HERC5: variants seen among roughly 807,000 people sequenced by gnomAD.
HERC5 encodes E3 ISG15--protein ligase HERC5.
Under a neutral mutation model 119.6 loss-of-function variants are expected in HERC5, and 99 were observed. The ratio of observed to expected loss-of-function variants is 0.83; its 90% CI spans 0.70 to 0.98. HERC5 has a LOEUF of 0.98. HERC5 is among the 50% of genes least tolerant of loss of function. HERC5 has a pLI of 0.00. For synonymous variants in HERC5, 478 were observed against 445.9 expected (o/e 1.07, Z -0.91); for missense variants, 1,267 against 1,241.3 (o/e 1.02, Z -0.31).
At position 88,470,535 on chromosome 4, in the gene HERC5, G is replaced by A. The variant is rs1578046475; in HGVS notation, c.1239-79G>A. On this transcript the variant is annotated intron_variant, in intron 9 of 22. Coordinates refer to ENST00000264350, the MANE Select transcript of HERC5 (RefSeq NM_016323.4). ...AGTTATAAGATGTGGTATTTATCATGTCTCATGCTGTAAAGAAAGAGGCTG... is the reference window on the plus strand; with the variant it reads ...AGTTATAAGATGTGGTATTTATCATATCTCATGCTGTAAAGAAAGAGGCTG... 9.4e-6 allele frequency: 7 copies of A among 741,480 alleles called. No homozygotes were observed. In the East Asian group the frequency reaches 1.9e-4, roughly 20 times the overall value. The allele number at this position is 741,480 out of a possible 1,614,324, so 45.9% of individuals were successfully genotyped here. A position where few individuals can be genotyped will look rare whatever the true frequency, so the allele number is the denominator to read the frequency against.
At position 88,467,099 on chromosome 4, in the gene HERC5, T is replaced by G. The variant is rs1740696491; in HGVS notation, c.952T>G (p.Phe318Val). Residue 318 changes from phenylalanine (F) to valine (V), a missense_variant, in exon 7 of 23, where the codon TTT (phenylalanine) becomes GTT (valine). By Grantham distance (50) the Phe-to-Val change is conservative (BLOSUM62 -1). Transcript: ENST00000264350. ...LAYVSDLGKV[F>V]SFGSGKDGQL... ...CTATGTTTCTGATTTGGGAAAGGTC[T>G]TTTCCTTTGGTTCTGGAAAAGATGG... is the stretch of plus-strand genomic sequence containing the variant. The G allele has an allele frequency of 1.9e-6, 3 of 1,614,132 alleles. No individual in the cohort carries two copies. In the African/African-American group the frequency reaches 4.0e-5, roughly 22 times the overall value.
Position 88,488,124 on chromosome 4 carries a change from C to T in HERC5, c.1962+945C>T, listed in dbSNP as rs79813277. Among the ~76,000 whole-genome samples, 1,159 of 152,088 alleles carry T rather than the reference C, an allele frequency of 7.6e-3. 21 individuals carry two copies. Among genetic ancestry groups the T allele is most frequent in the African/African-American group, 0.026 (1,098 of 41,500 alleles). On this transcript the variant is annotated intron_variant, in intron 15 of 22. Coordinates refer to ENST00000264350, the MANE Select transcript of HERC5 (RefSeq NM_016323.4). ...AAGATAAAAGAACTTTGTTTTGCTT[C>T]AACTCTTATAACCTATTCTCTCCTG...
Position 88,500,915 on chromosome 4 carries a change from G to T in HERC5, c.2512G>T (p.Val838Leu). The T allele has an allele frequency of 1.2e-6, 2 of 1,610,088 alleles. No homozygotes were observed. The highest frequency in any genetic ancestry group is 1.7e-6 in the Non-Finnish European group (2 of 1,177,934). The change falls in exon 20 of 23, where the codon GTG (valine) becomes TTG (leucine). Residue 838 changes from valine to leucine, a missense_variant and splice_region_variant. Val to Leu is a conservative substitution (Grantham distance 32, BLOSUM62 1). Coordinates refer to ENST00000264350, the MANE Select transcript of HERC5 (RefSeq NM_016323.4). ...FEEVFYIHFN[V>L]HWDRNDTNLI... The stretch of plus-strand genomic sequence containing the variant: ...TATCTGAGTTCATTTGCGGTTACAG[G>T]TGCACTGGGACAGAAACGACACAAA...
At chr4:88,473,350 C>T (rs1740943354) in intron 11 of HERC5, 1 of 152,006 alleles carries the variant, frequency 6.6e-6, no homozygotes, top group African/African-American at 2.4e-5. Context: ...TTTAATCTCT[C>T]TCTGTGTTCA....
rs185559425 is a variant in HERC5 at position 88,471,148 on chromosome 4, T to C, written c.1298+475T>C. Among the ~76,000 whole-genome samples the C allele has an allele frequency of 8.6e-5, 13 of 151,848 alleles. No individual in the cohort carries two copies. The East Asian group carries it at 2.2e-3, about 25-fold the overall frequency. On this transcript the variant is annotated intron_variant, in intron 10 of 22. Transcript: ENST00000264350. ...TACACCCAGCTAATTTTTGTATTTT[T>C]TTGTAGAGCCAGAGTTTTACCATGT...
intron 8 of HERC5, among the ~76,000 whole-genome samples, chr4:88,468,956 A>G (rs1364071414): frequency 6.6e-6 from 1 of 152,200 alleles, no homozygotes; most frequent in Admixed American, 6.5e-5. Context: ...ATTTACTTTC[A>G]GTCTAAGCCC....
intron 6 of HERC5, among the ~76,000 whole-genome samples, chr4:88,465,321 G>C (rs925431320): frequency 2.6e-5 from 4 of 152,148 alleles, no homozygotes; most frequent in African/African-American, 9.7e-5. Flanking sequence ...ATTCTTTTGG[G>C]CAGTTTTTCC....
chr4:88,469,320 TG>T, intron 9 of HERC5, 60 bp downstream of exon 9: 1 of 1,147,356 alleles, frequency 8.7e-7, no homozygotes, highest in Non-Finnish European at 1.3e-6. Flanking sequence ...TTTCCCAAAC[TG>T]GTTCTGCACA....
intron 1 of HERC5, 123 bp downstream of exon 1, chr4:88,457,657 G>A: frequency 9.4e-7 from 1 of 1,060,276 alleles, no homozygotes; most frequent in African/African-American, 1.6e-5. Flanking sequence ...GCAGACGCGC[G>A]CCTGGCTCGG....
At chr4:88,490,513 G>A (rs978367046) in intron 16 of HERC5, among the ~76,000 whole-genome samples, 1 of 152,106 alleles carries the variant, frequency 6.6e-6, no homozygotes, top group Admixed American at 6.6e-5. Flanking sequence ...TCAGATTAAA[G>A]AAAGATTGAC....
chr4:88,493,036 T>C lies in HERC5; in HGVS notation c.2158T>C (p.Tyr720His). 3 of 1,613,904 alleles carry C rather than the reference T, an allele frequency of 1.9e-6. No individual in the cohort carries two copies. The highest frequency in any genetic ancestry group is 2.2e-5 in the South Asian group (2 of 91,032). ...GGTTTCATTTAGTGGAGAAATTGGGTATGACCTCGGAGGAGTCAAGAAAGA... is the reference window on the plus strand; with the variant it reads ...GGTTTCATTTAGTGGAGAAATTGGGCATGACCTCGGAGGAGTCAAGAAAGA... ...LWVSFSGEIGYDLGGVKKEFF... is the reference protein window; with the variant it reads ...LWVSFSGEIGHDLGGVKKEFF... The change falls in exon 17 of 23, where the codon TAT (tyrosine) becomes CAT (histidine). Residue 720 changes from tyrosine (Y) to histidine (H), a missense_variant. Physicochemically the swap from Tyr to His is moderately conservative, Grantham distance 83 (BLOSUM62 2). Transcript: ENST00000264350.
At chr4:88,476,962 TATC>T (rs896079268) in intron 12 of HERC5, among the ~76,000 whole-genome samples, 1 of 151,566 alleles carries the variant, frequency 6.6e-6, no homozygotes, top group African/African-American at 2.4e-5. Context: ...CTGGCATCAT[TATC>T]ATATCTAAGA....
chr4:88,466,048 CCCAAGTCAAGA>C (rs1446219588), intron 6 of HERC5, among the ~76,000 whole-genome samples: 1 of 150,560 alleles, frequency 6.6e-6, no homozygotes, highest in African/African-American at 2.4e-5. Flanking sequence ...GAGGAGTTCA[CCCAAGTCAAGA>C]CCAAGTCAAG....
chr4:88,462,016 C>A, intron 3 of HERC5, 119 bp from the exon 4 acceptor site: 1 of 804,858 alleles, frequency 1.2e-6, no homozygotes, highest in Non-Finnish European at 2.0e-6. Flanking sequence ...CTGAGAGTAC[C>A]ATCAGTGCAA....
intron 13 of HERC5, among the ~76,000 whole-genome samples, chr4:88,482,618 A>G (rs2149099192): frequency 6.6e-6 from 1 of 152,302 alleles, no homozygotes; most frequent in East Asian, 1.9e-4. Context: ...TCCTTGGTAT[A>G]TGCAGCCCAA....
rs138354720 is a variant in HERC5 at position 88,498,340 on chromosome 4, C to T, written c.2445-1586C>T. On this transcript the variant is annotated intron_variant, in intron 18 of 22. Coordinates refer to ENST00000264350, the MANE Select transcript of HERC5 (RefSeq NM_016323.4). ...AGAGCCTCTAGGGGTGGGCTTTGCC[C>T]AGCAAAGTCATGGGTGTAGGGCTGC... is the stretch of plus-strand genomic sequence containing the variant. Among the ~76,000 whole-genome samples, 507 of 152,278 alleles carry T rather than the reference C, an allele frequency of 3.3e-3. 4 individuals carry two copies. Among genetic ancestry groups the T allele is most frequent in the African/African-American group, 0.011 (472 of 41,560 alleles).
At chr4:88,476,398 A>G (rs951685697) in intron 12 of HERC5, among the ~76,000 whole-genome samples, 2 of 152,208 alleles carry the variant, frequency 1.3e-5, no homozygotes, top group African/African-American at 4.8e-5. Context: ...CCCTGGGCTC[A>G]AGTGATGAGG....
intron 20 of HERC5, among the ~76,000 whole-genome samples, chr4:88,503,250 C>A (rs1405756310): frequency 6.6e-6 from 1 of 152,002 alleles, no homozygotes; most frequent in Non-Finnish European, 1.5e-5. Flanking sequence ...ACCTATAGAT[C>A]AATTTTTTGA....
Position 88,457,130 on chromosome 4 carries a change from C to A in HERC5, c.-140C>A. Reference sequence around the variant, plus strand: ...CCCGGCAGGGGCTCAGTAGCTGAGGCTGCGGTTCCCCGACGCCACGCAGCT... The same window carrying A: ...CCCGGCAGGGGCTCAGTAGCTGAGGATGCGGTTCCCCGACGCCACGCAGCT... On this transcript the variant is annotated 5_prime_UTR_variant, in exon 1 of 23. In the 5' UTR this introduces an upstream ATG that the reference lacks. Transcript: ENST00000264350. 1 of 1,232,254 alleles carries A rather than the reference C, an allele frequency of 8.1e-7. No homozygotes were observed. Among genetic ancestry groups the A allele is most frequent in the Non-Finnish European group, 1.0e-6 (1 of 987,738 alleles). 76.3% of individuals were successfully genotyped at this position (1,232,254 alleles called of 1,614,324 possible).
Sources: allele counts gnomAD v4.1 joint callset (sites outside exome capture counted in the v4.1 genomes callset), GRCh38; gene constraint gnomAD v4.1.1; transcripts MANE v1.5; gene names NCBI Gene and HGNC (gene_info 2026-07-23, HGNC 2026-07-21).